KLF12: variants seen among roughly 807,000 people sequenced by gnomAD.
KLF12 encodes the protein KLF transcription factor 12, also known as Krueppel-like factor 12.
A neutral mutation model predicts 37.8 loss-of-function variants in KLF12; 9 were observed. The observed-to-expected ratio is 0.24, with a 90% CI of 0.14 to 0.42. The LOEUF (loss-of-function observed/expected upper bound fraction) is 0.42, where lower values mean the gene tolerates loss of function less well. KLF12 is among the 10% of genes least tolerant of loss of function. The pLI, the probability that KLF12 is intolerant of heterozygous loss-of-function variation, is 1.00. For missense variants in KLF12, 411 were observed against 516.0 expected (o/e 0.80, Z 1.97); for synonymous variants, 208 against 202.1 (o/e 1.03, Z -0.25).
Position 73,876,681 on chromosome 13 carries a change from T to C in KLF12, c.124-30308A>G, listed in dbSNP as rs1024828436. Among the ~76,000 whole-genome samples, 3 of 152,162 alleles carry C rather than the reference T, an allele frequency of 2.0e-5. No individual in the cohort carries two copies. In the South Asian group the frequency reaches 6.2e-4, roughly 32 times the overall value. On this transcript the variant is annotated intron_variant, in intron 3 of 7. Coordinates refer to ENST00000377669, the MANE Select transcript of KLF12 (RefSeq NM_007249.5). The stretch of plus-strand genomic sequence containing the variant: ...TTATGTTTCTATTTGTCCTTTTTGT[T>C]TAATTTTTTCAATTCTGATTTCTAA...
At chr13:73,972,945 T>C (rs766679784) in intron 2 of KLF12, among the ~76,000 whole-genome samples, 1 of 152,062 alleles carries the variant, frequency 6.6e-6, no homozygotes, top group Non-Finnish European at 1.5e-5. Flanking sequence ...AAACACTTCA[T>C]CATTTTAAAC....
chr13:74,088,812 G>GGTCTTGAAT (rs1364246442), intron 1 of KLF12, among the ~76,000 whole-genome samples: 1 of 152,058 alleles, frequency 6.6e-6, no homozygotes, highest in Non-Finnish European at 1.5e-5. Context: ...GACCAGATAG[G>GGTCTTGAAT]GTCTTGAATG....
At chr13:73,974,713 A>T (rs2138133751) in intron 2 of KLF12, among the ~76,000 whole-genome samples, 1 of 152,318 alleles carries the variant, frequency 6.6e-6, no homozygotes, top group South Asian at 2.1e-4. Flanking sequence ...TAGCTGTTTA[A>T]TATACTCAAA....
At chr13:73,928,279 G>T (rs1312465044) in intron 3 of KLF12, among the ~76,000 whole-genome samples, 2 of 152,176 alleles carry the variant, frequency 1.3e-5, no homozygotes, top group African/African-American at 4.8e-5. Context: ...TTAGCTAAAG[G>T]TTAAGTGTTA....
chr13:74,104,773 A>G (rs557351724), intron 1 of KLF12, among the ~76,000 whole-genome samples: 1 of 152,182 alleles, frequency 6.6e-6, no homozygotes, highest in Non-Finnish European at 1.5e-5. Flanking sequence ...CAGCAGGGGA[A>G]AAGAGAATCA....
intron 6 of KLF12, among the ~76,000 whole-genome samples, chr13:73,729,400 C>T (rs535511557): frequency 6.6e-6 from 1 of 152,268 alleles, no homozygotes; most frequent in African/African-American, 2.4e-5. Context: ...ATAATAATGG[C>T]TTCTATAGCA....
chr13:73,902,416 G>A (rs1189346380), intron 3 of KLF12, among the ~76,000 whole-genome samples: 3 of 152,158 alleles, frequency 2.0e-5, no homozygotes, highest in African/African-American at 7.2e-5. Context: ...CATCATGGGA[G>A]GAAGTGGCAT....
chr13:73,985,481 T>C (rs897325300), intron 2 of KLF12, among the ~76,000 whole-genome samples: 1 of 152,178 alleles, frequency 6.6e-6, no homozygotes, highest in Non-Finnish European at 1.5e-5. Context: ...CGACAACCAG[T>C]GATTATCACA....
chr13:73,939,030 T>C (rs1389868024), intron 3 of KLF12, among the ~76,000 whole-genome samples: 1 of 152,174 alleles, frequency 6.6e-6, no homozygotes, highest in East Asian at 1.9e-4. Flanking sequence ...CCAATCTCTT[T>C]CCCTGTTTCT....
At chr13:74,085,933 T>C (rs1232846272) in intron 1 of KLF12, among the ~76,000 whole-genome samples, 2 of 152,136 alleles carry the variant, frequency 1.3e-5, no homozygotes, top group Non-Finnish European at 1.5e-5. Flanking sequence ...CCTGCAATGA[T>C]GAAAAACTGC....
chr13:74,244,497 T>C, the KLF12 span, among the ~76,000 whole-genome samples: 15 of 152,162 alleles, frequency 9.9e-5, no homozygotes, highest in Non-Finnish European at 1.9e-4. Context: ...GATGAGACCG[T>C]TGAGGTAATT....
chr13:74,038,430 A>C (rs1893315375), intron 1 of KLF12, among the ~76,000 whole-genome samples: 1 of 152,192 alleles, frequency 6.6e-6, no homozygotes, highest in Non-Finnish European at 1.5e-5. Flanking sequence ...ATGATCTTTG[A>C]TCTGGAAGAA....
intron 3 of KLF12, among the ~76,000 whole-genome samples, chr13:73,929,763 T>C (rs1023500674): frequency 3.9e-5 from 6 of 152,178 alleles, no homozygotes; most frequent in South Asian, 2.1e-4. Flanking sequence ...GTCCTAACCA[T>C]TGCACTTGCC....
intron 5 of KLF12, among the ~76,000 whole-genome samples, chr13:73,792,097 A>C (rs1881717941): frequency 6.6e-6 from 1 of 152,212 alleles, no homozygotes; most frequent in East Asian, 1.9e-4. Context: ...CACCATGGCT[A>C]TGGCACAGAC....
At chr13:73,738,124 TACACACAC>T (rs199524649) in intron 6 of KLF12, among the ~76,000 whole-genome samples, 16 of 81,894 alleles carry the variant, frequency 2.0e-4, no homozygotes, top group African/African-American at 1.1e-3. Flanking sequence ...TATATATATA[TACACACAC>T]ACACATATAT....
chr13:73,952,678 C>T (rs184899674), intron 2 of KLF12, among the ~76,000 whole-genome samples: 1 of 152,300 alleles, frequency 6.6e-6, no homozygotes. Flanking sequence ...GAAAGGCTCC[C>T]TGCCTTAAGA....
At chr13:74,206,086 AC>A in the KLF12 span, among the ~76,000 whole-genome samples, 3 of 152,250 alleles carry the variant, frequency 2.0e-5, no homozygotes, top group Admixed American at 6.5e-5. Flanking sequence ...CATTTCATTA[AC>A]CTGAACTTCA....
chr13:73,806,650 A>C (rs1206007004), intron 5 of KLF12, among the ~76,000 whole-genome samples: 3 of 80,604 alleles, frequency 3.7e-5, no homozygotes, highest in Non-Finnish European at 9.5e-5. Context: ...AAAAACAAAC[A>C]AAAAAAAAAA....
At chr13:73,922,071 T>A (rs551847460) in intron 3 of KLF12, among the ~76,000 whole-genome samples, 2 of 152,202 alleles carry the variant, frequency 1.3e-5, no homozygotes, top group East Asian at 1.9e-4. Flanking sequence ...TACTATTGCA[T>A]ACAATTGTTT....
Sources: allele counts gnomAD v4.1 joint callset (sites outside exome capture counted in the v4.1 genomes callset), GRCh38; gene constraint gnomAD v4.1.1; transcripts MANE v1.5; gene names NCBI Gene and HGNC (gene_info 2026-07-23, HGNC 2026-07-21).